Variants in ENGASE observed in about 807,000 individuals in gnomAD.
ENGASE encodes the protein cytosolic endo-beta-N-acetylglucosaminidase.
ENGASE carries 69 observed loss-of-function variants against 78.5 expected under a neutral mutation model. That is an observed-to-expected ratio of 0.88 (90% CI 0.72 to 1.07). The LOEUF is 1.07. Among genes scored for constraint, ENGASE ranks in the 50% least tolerant of loss-of-function variants. The pLI, the probability that ENGASE is intolerant of heterozygous loss-of-function variation, is 0.00. For missense variants in ENGASE, 943 were observed against 988.4 expected (o/e 0.95, Z 0.62); for synonymous variants, 408 against 408.9 (o/e 1.00, Z 0.03).
intron 10 of ENGASE, 87 bp from the exon 11 acceptor site, chr17:79,084,451 G>A (rs2073233396): frequency 7.4e-7 from 1 of 1,352,198 alleles, no homozygotes; most frequent in South Asian, 1.6e-5. Context: ...TGTTCCTGGA[G>A]GGAGGGGCTG....
At chr17:79,082,209 A>G (rs2073161986) in intron 7 of ENGASE, 146 bp downstream of exon 7, 1 of 1,559,716 alleles carries the variant, frequency 6.4e-7, no homozygotes, top group Non-Finnish European at 8.7e-7. Flanking sequence ...GCACTGAGAA[A>G]CAGGTGTCCT....
chr17:79,082,993 G>T, intron 7 of ENGASE, 27 bp from the exon 8 acceptor site: 1 of 1,610,272 alleles, frequency 6.2e-7, no homozygotes, highest in South Asian at 1.1e-5. Context: ...GTCCTGATGT[G>T]CCCAGCGTCT....
In ENGASE at chr17:79,080,068, C is replaced by T. The variant is rs577146155; in HGVS notation, c.566-139C>T. ...CTGCACTGGCAGAGTGTCTGATTCA[C>T]GGGATATATGGGGATTTGAATGTCT... On this transcript the variant is annotated intron_variant, in intron 4 of 13. Coordinates refer to ENST00000579016, the MANE Select transcript of ENGASE (RefSeq NM_001042573.3). 1.2e-3 allele frequency: 1,056 copies of T among 860,368 alleles called. 3 individuals carry two copies. The highest frequency in any genetic ancestry group is 1.6e-3 in the Non-Finnish European group (929 of 578,576). The allele number at this position is 860,368 out of a possible 1,614,324, so 53.3% of individuals were successfully genotyped here.
intron 1 of ENGASE, 57 bp from the exon 2 acceptor site, chr17:79,077,373 A>T: frequency 6.6e-7 from 1 of 1,503,788 alleles, no homozygotes; most frequent in Non-Finnish European, 9.0e-7. Flanking sequence ...TTTGCTTCTA[A>T]GTGTTCTTAC....
chr17:79,088,414 AGCAG>A lies in ENGASE; in HGVS notation c.*2069_*2072del, dbSNP rs2073396372. On this transcript the variant is annotated 3_prime_UTR_variant, in exon 14 of 14. Coordinates refer to ENST00000579016, the MANE Select transcript of ENGASE (RefSeq NM_001042573.3). ...GCAATTATTTTCTCACAGTCTGGTG[AGCAG>A]GCAATTAATTAGGAGTAAGGGGGCC... 1 of 152,176 alleles carries A rather than the reference AGCAG, an allele frequency of 6.6e-6. No individual in the cohort carries two copies. The highest frequency in any genetic ancestry group is 2.4e-5 in the African/African-American group (1 of 41,438). 9.4% of individuals were successfully genotyped at this position (152,176 alleles called of 1,614,324 possible).
chr17:79,082,453 CG>C, intron 7 of ENGASE: 1 of 1,210,378 alleles, frequency 8.3e-7, no homozygotes. Flanking sequence ...GGGGCGAGGA[CG>C]GGGGAGGTGC....
intron 1 of ENGASE, chr17:79,075,565 A>G (rs1423483162): frequency 2.1e-5 from 8 of 384,616 alleles, no homozygotes; most frequent in African/African-American, 6.6e-5. Context: ...AGGGTATCCA[A>G]CTGGCGGGGA....
Position 79,086,900 on chromosome 17 carries a change from C to T in ENGASE, c.*551C>T. On this transcript the variant is annotated 3_prime_UTR_variant, in exon 14 of 14. Transcript: ENST00000579016. Reference sequence around the variant, plus strand: ...AACCGTCCTCCCAGTGTGGAAGGCCCTTTTCCCTGAGGAGTGGGCATTCTG... The same window carrying T: ...AACCGTCCTCCCAGTGTGGAAGGCCTTTTTCCCTGAGGAGTGGGCATTCTG... 4.4e-6 allele frequency: 2 copies of T among 457,052 alleles called. No individual in the cohort carries two copies. The highest frequency in any genetic ancestry group is 6.9e-5 in the East Asian group (1 of 14,488). The allele number at this position is 457,052 out of a possible 1,614,324, so 28.3% of individuals were successfully genotyped here. A position where few individuals can be genotyped will look rare whatever the true frequency, so the allele number is the denominator to read the frequency against.
intron 1 of ENGASE, among the ~76,000 whole-genome samples, 163 bp downstream of exon 1, chr17:79,075,253 C>G (rs1272838252): frequency 2.6e-5 from 4 of 152,162 alleles, no homozygotes; most frequent in African/African-American, 9.6e-5. Context: ...CCCTCCGCCC[C>G]GGTCCGCCCC....
intron 6 of ENGASE, 37 bp downstream of exon 6, chr17:79,081,110 C>T (rs1323666371): frequency 7.4e-7 from 1 of 1,352,080 alleles, no homozygotes; most frequent in Non-Finnish European, 9.8e-7. Context: ...GGGGCAGGTG[C>T]CGTGGTGGGG....
At chr17:79,082,467 A>G (rs972702048) in intron 7 of ENGASE, 30 of 1,206,838 alleles carry the variant, frequency 2.5e-5, no homozygotes, top group Middle Eastern at 3.4e-4. Flanking sequence ...GGAGGTGCCC[A>G]GGGTTTGGGG....
At chr17:79,075,825 A>G (rs2072955857) in intron 1 of ENGASE, 2 of 985,342 alleles carry the variant, frequency 2.0e-6, no homozygotes, top group South Asian at 4.7e-5. Flanking sequence ...TGGGAAAGAT[A>G]TTTTTGGACA....
At position 79,083,089 on chromosome 17, in the gene ENGASE, C is replaced by G. The variant is rs776495838; in HGVS notation, c.1108C>G (p.Leu370Val). The change falls in exon 8 of 14, where the codon CTG becomes GTG. Residue 370 changes from leucine to valine, a missense_variant. By Grantham distance (32) the Leu-to-Val change is conservative (BLOSUM62 1). Coordinates refer to ENST00000579016, the MANE Select transcript of ENGASE (RefSeq NM_001042573.3). The surrounding 1 kb of genome is among the most constrained non-coding windows in gnomAD (Gnocchi z 4.9). ...LFAPGWVYEC[L>V]EKKDFFQNQD... ...TGCCCCCGGCTGGGTGTATGAGTGT[C>G]TGGAGAAGAAGGATTTCTTCCAGAA... 1 of 1,613,940 alleles carries G rather than the reference C, an allele frequency of 6.2e-7. No individual in the cohort carries two copies. The highest frequency in any genetic ancestry group is 8.5e-7 in the Non-Finnish European group (1 of 1,179,926).
In ENGASE at chr17:79,075,180, A is replaced by AGGG. The variant is rs879576592; in HGVS notation, c.146+92_146+94dup. ...GAGGTTTCCCGGCACGGGCGCGCCGAGGGGCGGGGGGCCGGCGCCTGTGTC... is the reference window on the plus strand; with the variant it reads ...GAGGTTTCCCGGCACGGGCGCGCCGAGGGGGGGCGGGGGGCCGGCGCCTGTGTC... On this transcript the variant is annotated intron_variant, in intron 1 of 13. Coordinates refer to ENST00000579016, the MANE Select transcript of ENGASE (RefSeq NM_001042573.3). 8.1e-3 allele frequency: 9,540 copies of AGGG among 1,172,210 alleles called. 75 individuals are homozygous for AGGG. Among genetic ancestry groups the AGGG allele is most frequent in the Non-Finnish European group, 9.0e-3 (8,484 of 945,470 alleles). The allele number at this position is 1,172,210 out of a possible 1,614,324, so 72.6% of individuals were successfully genotyped here. A position where few individuals can be genotyped will look rare whatever the true frequency, so the allele number is the denominator to read the frequency against.
chr17:79,087,429 C>G lies in ENGASE; in HGVS notation c.*1080C>G, dbSNP rs1568097578. 1 of 217,876 alleles carries G rather than the reference C, an allele frequency of 4.6e-6. No individual in the cohort carries two copies. Among genetic ancestry groups the G allele is most frequent in the Non-Finnish European group, 9.5e-6 (1 of 105,660 alleles). The allele number at this position is 217,876 out of a possible 1,614,324, so 13.5% of individuals were successfully genotyped here. On this transcript the variant is annotated 3_prime_UTR_variant, in exon 14 of 14. Coordinates refer to ENST00000579016, the MANE Select transcript of ENGASE (RefSeq NM_001042573.3). ...GGCGCCTTCCTCTGTCCTTCCTGCT[C>G]TTTCTTCTCTGCCCAGGCCGCTGCA... is the stretch of plus-strand genomic sequence containing the variant.
At position 79,088,340 on chromosome 17, in the gene ENGASE, G is replaced by C. The variant is rs2073393916; in HGVS notation, c.*1991G>C. ...TTCTTTCATGAAGTCTGTTTTTTAA[G>C]TGCTGGTTCCCCCGAATATTTTATG... On this transcript the variant is annotated 3_prime_UTR_variant, in exon 14 of 14. Coordinates refer to ENST00000579016, the MANE Select transcript of ENGASE (RefSeq NM_001042573.3). The C allele has an allele frequency of 6.6e-6, 1 of 152,222 alleles. No individual in the cohort carries two copies. Among genetic ancestry groups the C allele is most frequent in the Non-Finnish European group, 1.5e-5 (1 of 68,044 alleles). 9.4% of individuals were successfully genotyped at this position (152,222 alleles called of 1,614,324 possible).
chr17:79,082,132 C>T lies in ENGASE; in HGVS notation c.1038+69C>T, dbSNP rs546248936. 3.1e-4 allele frequency: 495 copies of T among 1,613,180 alleles called. 10 individuals carry two copies. In the South Asian group the frequency reaches 5.1e-3, roughly 17 times the overall value. Reference sequence around the variant, plus strand: ...CCCTGGGACCTCATTTCCTCATGGACCTTCCATTCCCGTCTGCACCTCAAA... The same window carrying T: ...CCCTGGGACCTCATTTCCTCATGGATCTTCCATTCCCGTCTGCACCTCAAA... On this transcript the variant is annotated intron_variant, in intron 7 of 13. Transcript: ENST00000579016.
At chr17:79,084,740 G>A in intron 11 of ENGASE, 54 bp downstream of exon 11, 1 of 1,583,078 alleles carries the variant, frequency 6.3e-7, no homozygotes, top group Non-Finnish European at 8.6e-7. Context: ...GCTCAGGGAA[G>A]AGAAGTGTGG....
intron 3 of ENGASE, 34 bp from the exon 4 acceptor site, chr17:79,079,455 G>T: frequency 1.2e-6 from 2 of 1,600,142 alleles, no homozygotes; most frequent in Non-Finnish European, 8.5e-7. Flanking sequence ...GGCATGAGCT[G>T]CCGTGGCCAG....
Sources: allele counts gnomAD v4.1 joint callset (sites outside exome capture counted in the v4.1 genomes callset), GRCh38; gene constraint gnomAD v4.1.1; non-coding constraint Gnocchi (gnomAD v3.1); transcripts MANE v1.5; gene names NCBI Gene and HGNC (gene_info 2026-07-23, HGNC 2026-07-21).